ACTR2: variants seen among roughly 807,000 people sequenced by gnomAD.
The protein encoded by ACTR2 is actin-related protein 2.
In ACTR2, 5 loss-of-function variants were observed where a neutral mutation model predicts 50.2. That is an observed-to-expected ratio of 0.10 (90% CI 0.05 to 0.21). The LOEUF (loss-of-function observed/expected upper bound fraction) is 0.21, where lower values mean the gene tolerates loss of function less well. Ranked by LOEUF, ACTR2 falls within the 10% of genes least tolerant of loss-of-function variation. ACTR2 has a pLI of 1.00. For synonymous variants in ACTR2, 140 were observed against 162.9 expected (o/e 0.86, Z 1.07); for missense variants, 180 against 480.6 (o/e 0.37, Z 5.85).
At chr2:65,266,931 T>G (rs960754180) in intron 8 of ACTR2, among the ~76,000 whole-genome samples, 3 of 151,616 alleles carry the variant, frequency 2.0e-5, no homozygotes, top group Admixed American at 6.6e-5. Flanking sequence ...AAGGAGGGAG[T>G]GGTAGATGGA....
intron 2 of ACTR2, chr2:65,241,882 G>A: frequency 1.5e-6 from 1 of 647,658 alleles, no homozygotes; most frequent in Non-Finnish European, 2.5e-6. Context: ...ATGTTAATTT[G>A]GCCCTAATTA....
intron 2 of ACTR2, among the ~76,000 whole-genome samples, chr2:65,244,729 C>T (rs1671902979): frequency 6.6e-6 from 1 of 151,974 alleles, no homozygotes; most frequent in Non-Finnish European, 1.5e-5. Flanking sequence ...GGGCGGATCC[C>T]TTGAGCCCAG....
At chr2:65,235,937 G>GT (rs954734142) in intron 1 of ACTR2, among the ~76,000 whole-genome samples, 7 of 152,162 alleles carry the variant, frequency 4.6e-5, no homozygotes, top group Non-Finnish European at 7.3e-5. Context: ...TAAACATGAG[G>GT]TGAAAGGATA....
intron 1 of ACTR2, among the ~76,000 whole-genome samples, chr2:65,237,575 G>C (rs963757551): frequency 4.6e-5 from 7 of 152,116 alleles, no homozygotes; most frequent in Non-Finnish European, 7.4e-5. Context: ...TAACTGCCGG[G>C]CACAGTGGCT....
chr2:65,242,082 A>G (rs1573153167), intron 2 of ACTR2: 2 of 1,575,292 alleles, frequency 1.3e-6, no homozygotes, highest in Non-Finnish European at 1.7e-6. Flanking sequence ...GGTTACACAC[A>G]TGCTCTGTTT....
At chr2:65,261,628 C>G (rs78543148) in intron 7 of ACTR2, among the ~76,000 whole-genome samples, 3 of 152,120 alleles carry the variant, frequency 2.0e-5, no homozygotes, top group South Asian at 2.1e-4. Flanking sequence ...CTTTTTCATT[C>G]TGTTTTTTCT....
chr2:65,251,173 G>A, intron 4 of ACTR2, 74 bp downstream of exon 4: 1 of 1,088,544 alleles, frequency 9.2e-7, no homozygotes, highest in Middle Eastern at 2.1e-4. Flanking sequence ...CAGAGAATTT[G>A]GTTTCTCAAT....
intron 6 of ACTR2, among the ~76,000 whole-genome samples, chr2:65,257,680 C>T (rs1672178272): frequency 6.6e-6 from 1 of 152,208 alleles, no homozygotes; most frequent in African/African-American, 2.4e-5. Context: ...ATTTGTATTT[C>T]TCTAATGACC....
intron 7 of ACTR2, among the ~76,000 whole-genome samples, chr2:65,263,272 T>TG (rs386390357): frequency 6.6e-6 from 1 of 150,440 alleles, no homozygotes; most frequent in African/African-American, 2.4e-5. Flanking sequence ...TGGGTTTTTT[T>TG]TTTTTTCAGT....
chr2:65,236,523 T>C (rs1350886332), intron 1 of ACTR2, among the ~76,000 whole-genome samples: 2 of 152,144 alleles, frequency 1.3e-5, no homozygotes, highest in Non-Finnish European at 2.9e-5. Context: ...CAAAAGAGTT[T>C]CTTGTAGATA....
At position 65,253,779 on chromosome 2, in the gene ACTR2, G is replaced by A. The variant is rs1672097613; in HGVS notation, c.500G>A (p.Cys167Tyr). The change falls in exon 5 of 9, where the codon TGC becomes TAC. Residue 167 changes from cysteine to tyrosine, a missense_variant. Coordinates refer to ENST00000260641, the MANE Select transcript of ACTR2 (RefSeq NM_005722.4). Reference protein sequence around the residue: ...VDSGDGVTHICPVYEGFSLPH... With the variant: ...VDSGDGVTHIYPVYEGFSLPH... ...TCTGGAGATGGTGTGACTCACATTT[G>A]CCCAGTATATGAAGGCTTTTCTCTC... The A allele has an allele frequency of 6.2e-7, 1 of 1,613,848 alleles. No homozygotes were observed. Among genetic ancestry groups the A allele is most frequent in the Non-Finnish European group, 8.5e-7 (1 of 1,179,864 alleles).
intron 6 of ACTR2, among the ~76,000 whole-genome samples, chr2:65,257,914 T>C (rs1386461527): frequency 6.6e-6 from 1 of 152,238 alleles, no homozygotes; most frequent in Non-Finnish European, 1.5e-5. Context: ...CTGATGATAG[T>C]TTCTTTTGCT....
intron 1 of ACTR2, among the ~76,000 whole-genome samples, chr2:65,234,442 A>G (rs1671700780): frequency 6.6e-6 from 1 of 152,072 alleles, no homozygotes; most frequent in Non-Finnish European, 1.5e-5. Flanking sequence ...TTTGTTAGGC[A>G]GTAATAGTAG....
chr2:65,249,164 T>G (rs1671997221), intron 3 of ACTR2, among the ~76,000 whole-genome samples: 1 of 152,240 alleles, frequency 6.6e-6, no homozygotes, highest in Non-Finnish European at 1.5e-5. Flanking sequence ...AGTAGAAATT[T>G]AATAACTTCT....
chr2:65,253,716 G>C lies in ACTR2; in HGVS notation c.449-12G>C. 1 of 1,606,652 alleles carries C rather than the reference G, an allele frequency of 6.2e-7. No individual in the cohort carries two copies. The highest frequency in any genetic ancestry group is 1.1e-5 in the South Asian group (1 of 89,224). On this transcript the variant is annotated splice_polypyrimidine_tract_variant and intron_variant, in intron 4 of 8. Transcript: ENST00000260641. Reference sequence around the variant, plus strand: ...TTGACTTTTTATTTAAATCCCCCTGGCTTTTATGCAGGTTTATTGACTGGT... The same window carrying C: ...TTGACTTTTTATTTAAATCCCCCTGCCTTTTATGCAGGTTTATTGACTGGT...
chr2:65,249,086 A>T (rs1200135683), intron 3 of ACTR2, among the ~76,000 whole-genome samples: 1 of 152,200 alleles, frequency 6.6e-6, no homozygotes, highest in African/African-American at 2.4e-5. Flanking sequence ...AAGAGAGAGC[A>T]AGAGAGCTAT....
intron 1 of ACTR2, among the ~76,000 whole-genome samples, chr2:65,228,790 C>T (rs1030231295): frequency 5.3e-5 from 8 of 152,162 alleles, no homozygotes; most frequent in African/African-American, 1.9e-4. Flanking sequence ...GACTAAAGCA[C>T]TGATTTAGAA....
chr2:65,238,294 T>C (rs965870925), intron 1 of ACTR2, among the ~76,000 whole-genome samples: 5 of 152,334 alleles, frequency 3.3e-5, no homozygotes, highest in East Asian at 1.9e-4. Context: ...CACAATGATA[T>C]GTTCTCGGAG....
intron 1 of ACTR2, among the ~76,000 whole-genome samples, chr2:65,230,723 T>C (rs1276932819): frequency 6.6e-6 from 1 of 152,060 alleles, no homozygotes; most frequent in Middle Eastern, 3.2e-3. Flanking sequence ...CAGAAGCTAA[T>C]GTTATGTTAC....
Sources: gnomAD v4.1 joint callset for allele counts (sites outside exome capture counted in the v4.1 genomes callset) on GRCh38, gnomAD v4.1.1 for gene constraint, MANE v1.5 for transcripts, NCBI Gene and HGNC (gene_info 2026-07-23, HGNC 2026-07-21) for gene names.